Variants in MAP3K20 observed in about 807,000 individuals in gnomAD.
MAP3K20 encodes mitogen-activated protein kinase kinase kinase 20, also known as HCCS-4.
Under a neutral mutation model 85.7 loss-of-function variants are expected in MAP3K20, and 40 were observed. The ratio of observed to expected loss-of-function variants is 0.47; its 90% confidence interval spans 0.36 to 0.61. The LOEUF (loss-of-function observed/expected upper bound fraction) is 0.61. Ranked by LOEUF, MAP3K20 falls within the 20% of genes least tolerant of loss-of-function variation. The pLI is 0.00. For missense variants in MAP3K20, 817 were observed against 961.7 expected (o/e 0.85, Z 1.99); for synonymous variants, 325 against 327.7 (o/e 0.99, Z 0.09).
At chr2:173,147,623 T>C (rs949954051) in intron 2 of MAP3K20, among the ~76,000 whole-genome samples, 1 of 152,184 alleles carries the variant, frequency 6.6e-6, no homozygotes, top group Non-Finnish European at 1.5e-5. Flanking sequence ...AGTCTCACTC[T>C]GTTGCCAGGC....
In MAP3K20 at chr2:173,215,331, CTCTTT is replaced by C. The variant is rs1684040176; in HGVS notation, c.852-1777_852-1773del. Among the ~76,000 whole-genome samples, 3 of 152,198 alleles carry C rather than the reference CTCTTT, an allele frequency of 2.0e-5. 1 individual carries two copies. The highest frequency in any genetic ancestry group is 2.0e-4 in the Admixed American group (3 of 15,278). ...CGCCTCACTGACTGAAGATGGCTCA[CTCTTT>C]TCTTTTTTTGTGACAAAAATTTACC... On this transcript the variant is annotated intron_variant, in intron 10 of 19. Coordinates refer to ENST00000375213, the MANE Select transcript of MAP3K20 (RefSeq NM_016653.3).
At chr2:173,182,064 C>T (rs189794418) in intron 3 of MAP3K20, among the ~76,000 whole-genome samples, 46 of 152,114 alleles carry the variant, frequency 3.0e-4, no homozygotes, top group South Asian at 1.9e-3. Flanking sequence ...GGCAAAAGAA[C>T]GAGACCCTGA....
chr2:173,075,718 C>A (rs1033561482), upstream of MAP3K20: 14 of 984,432 alleles, frequency 1.4e-5, no homozygotes, highest in East Asian at 5.7e-4. Context: ...GCGGATGGTG[C>A]CCCCCGGGCG....
intron 2 of MAP3K20, among the ~76,000 whole-genome samples, chr2:173,157,165 G>A (rs932810398): frequency 5.9e-5 from 9 of 152,146 alleles, no homozygotes; most frequent in Admixed American, 5.2e-4. Context: ...AGCCATTAGG[G>A]GAGAAGTGAT....
At chr2:173,156,191 G>T (rs934367299) in intron 2 of MAP3K20, among the ~76,000 whole-genome samples, 9 of 152,212 alleles carry the variant, frequency 5.9e-5, no homozygotes, top group Non-Finnish European at 1.2e-4. Context: ...GCCATATTGG[G>T]ATTCTTTCAG....
intron 2 of MAP3K20, among the ~76,000 whole-genome samples, chr2:173,155,791 C>T (rs773071064): frequency 3.9e-5 from 6 of 152,098 alleles, no homozygotes; most frequent in African/African-American, 7.2e-5. Context: ...GGTACCCTAG[C>T]GACTCTTCCA....
chr2:173,196,475 C>T (rs529664644), intron 7 of MAP3K20, among the ~76,000 whole-genome samples: 2 of 152,338 alleles, frequency 1.3e-5, no homozygotes, highest in East Asian at 3.9e-4. Flanking sequence ...TCAGTAGCTC[C>T]TCTAAAGGAG....
chr2:173,160,438 A>G (rs913948574), intron 2 of MAP3K20: 12 of 152,186 alleles, frequency 7.9e-5, no homozygotes, highest in African/African-American at 2.9e-4. Flanking sequence ...TTTTATTTAA[A>G]AAAAGCCCTG....
At chr2:173,104,181 A>C (rs1214098376) in intron 2 of MAP3K20, among the ~76,000 whole-genome samples, 1 of 152,262 alleles carries the variant, frequency 6.6e-6, no homozygotes, top group Non-Finnish European at 1.5e-5. Context: ...CTAACCTGAC[A>C]GATGCCTCCT....
At chr2:173,142,615 A>ACTAC (rs1363359011) in intron 2 of MAP3K20, among the ~76,000 whole-genome samples, 3 of 152,150 alleles carry the variant, frequency 2.0e-5, no homozygotes, top group Non-Finnish European at 4.4e-5. Context: ...TAGAGCAACC[A>ACTAC]CTACCTACCC....
chr2:173,260,003 T>C (rs1003358690), intron 17 of MAP3K20, among the ~76,000 whole-genome samples: 4 of 152,216 alleles, frequency 2.6e-5, no homozygotes, highest in Non-Finnish European at 5.9e-5. Context: ...TCGAAAGTTA[T>C]AGAATTTTTA....
At chr2:173,076,248 C>T (rs1686855414) in intron 1 of MAP3K20, among the ~76,000 whole-genome samples, 1 of 151,904 alleles carries the variant, frequency 6.6e-6, no homozygotes, top group South Asian at 2.1e-4. Context: ...GGACCTTGGC[C>T]GCGGCGCCGC....
chr2:173,144,446 G>A (rs1204979891), intron 2 of MAP3K20, among the ~76,000 whole-genome samples: 23 of 114,876 alleles, frequency 2.0e-4, no homozygotes, highest in African/African-American at 7.3e-4. Flanking sequence ...CTGGGCAACA[G>A]AGGGAGACTC....
At chr2:173,143,056 A>G (rs969165479) in intron 2 of MAP3K20, among the ~76,000 whole-genome samples, 2 of 152,144 alleles carry the variant, frequency 1.3e-5, no homozygotes, top group African/African-American at 2.4e-5. Flanking sequence ...ACAAAAAAAT[A>G]AAACAAGACC....
intron 4 of MAP3K20, among the ~76,000 whole-genome samples, chr2:173,184,344 C>T (rs1000035538): frequency 2.0e-5 from 3 of 152,180 alleles, no homozygotes; most frequent in African/African-American, 7.2e-5. Context: ...GCCAGTTACA[C>T]CCATGTTATT....
intron 2 of MAP3K20, among the ~76,000 whole-genome samples, chr2:173,107,465 G>A (rs1453846664): frequency 6.6e-6 from 1 of 152,168 alleles, no homozygotes; most frequent in Non-Finnish European, 1.5e-5. Flanking sequence ...GGAGCCGGTT[G>A]TCTTGTGCTG....
chr2:173,098,469 G>A (rs1196606357), intron 2 of MAP3K20, among the ~76,000 whole-genome samples: 3 of 152,186 alleles, frequency 2.0e-5, no homozygotes, highest in Non-Finnish European at 4.4e-5. Flanking sequence ...TTAAAGTATT[G>A]TATAAAATTG....
chr2:173,187,814 T>C (rs925710647), intron 5 of MAP3K20, among the ~76,000 whole-genome samples, 191 bp downstream of exon 5: 3 of 152,208 alleles, frequency 2.0e-5, no homozygotes, highest in African/African-American at 7.2e-5. Flanking sequence ...GCATAGTATT[T>C]CACTGTATAA....
rs560534982 is a variant in MAP3K20, at chr2:173,227,147, T to A, written c.988-2542T>A. ...TTGCAATAAACGTTTTGACAGTAAA[T>A]CCCTTTGTTACGTGTTGCTGTGTAT... On this transcript the variant is annotated intron_variant, in intron 11 of 19. Transcript: ENST00000375213. 1.0e-5 allele frequency: 10 copies of A among 985,524 alleles called. No individual in the cohort carries two copies. The East Asian group carries it at 4.5e-4, about 45-fold the overall frequency. The allele number at this position is 985,524 out of a possible 1,614,324, so 61.0% of individuals were successfully genotyped here.
Sources: gnomAD v4.1 joint callset for allele counts (sites outside exome capture counted in the v4.1 genomes callset) on GRCh38, gnomAD v4.1.1 for gene constraint, MANE v1.5 for transcripts, NCBI Gene and HGNC (gene_info 2026-07-23, HGNC 2026-07-21) for gene names.